Variants in KAT2B observed in about 807,000 individuals in gnomAD.
KAT2B encodes histone acetyltransferase KAT2B.
KAT2B carries 36 observed loss-of-function variants against 105.9 expected under a neutral mutation model. The ratio of observed to expected loss-of-function variants is 0.34; its 90% CI spans 0.26 to 0.45. The LOEUF is 0.45. Among genes scored for constraint, KAT2B ranks in the 20% least tolerant of loss-of-function variants. The pLI is 1.00. For synonymous variants in KAT2B, 397 were observed against 377.9 expected (o/e 1.05, Z -0.59); for missense variants, 820 against 1,021.6 (o/e 0.80, Z 2.69).
intron 2 of KAT2B, among the ~76,000 whole-genome samples, chr3:20,077,687 A>C (rs887946023): frequency 6.6e-6 from 1 of 152,194 alleles, no homozygotes; most frequent in Non-Finnish European, 1.5e-5. Context: ...TAAAAATCAC[A>C]TTGTATTTCT....
intron 1 of KAT2B, among the ~76,000 whole-genome samples, chr3:20,066,347 A>G (rs919346981): frequency 1.3e-5 from 2 of 152,120 alleles, no homozygotes; most frequent in Admixed American, 6.5e-5. Context: ...CACATCTGCA[A>G]TGAACCTATT....
intron 1 of KAT2B, among the ~76,000 whole-genome samples, chr3:20,059,431 A>T (rs1489079890): frequency 6.6e-6 from 1 of 150,484 alleles, no homozygotes; most frequent in Non-Finnish European, 1.5e-5. Flanking sequence ...AAAAAAAAAA[A>T]AAAAGGCCAG....
intron 9 of KAT2B, among the ~76,000 whole-genome samples, chr3:20,124,379 G>A (rs1329193378): frequency 6.6e-6 from 1 of 152,170 alleles, no homozygotes; most frequent in East Asian, 1.9e-4. Flanking sequence ...TACTCATGGT[G>A]CAGGGTGAAG....
At chr3:20,092,602 G>A (rs1194673164) in intron 2 of KAT2B, among the ~76,000 whole-genome samples, 1 of 151,766 alleles carries the variant, frequency 6.6e-6, no homozygotes, top group African/African-American at 2.4e-5. Context: ...ATTAGGTGCT[G>A]TAACATTAGG....
At chr3:20,119,746 G>C (rs748878422) in intron 8 of KAT2B, 23 bp downstream of exon 8, 1 of 1,613,270 alleles carries the variant, frequency 6.2e-7, no homozygotes, top group Non-Finnish European at 8.5e-7. Context: ...GAGGGGATAA[G>C]AGAGGGCTGT....
At chr3:20,087,598 T>C (rs1698643537) in intron 2 of KAT2B, among the ~76,000 whole-genome samples, 1 of 152,166 alleles carries the variant, frequency 6.6e-6, no homozygotes, top group African/African-American at 2.4e-5. Flanking sequence ...TGCCACACAA[T>C]TGATCTCCAG....
At chr3:20,135,716 T>A (rs1362811845) in intron 11 of KAT2B, among the ~76,000 whole-genome samples, 1 of 151,904 alleles carries the variant, frequency 6.6e-6, no homozygotes, top group East Asian at 1.9e-4. Flanking sequence ...TCATGCCATA[T>A]GAGGAATGAC....
intron 1 of KAT2B, among the ~76,000 whole-genome samples, chr3:20,050,140 C>T (rs560658711): frequency 6.2e-4 from 93 of 149,932 alleles, no homozygotes; most frequent in African/African-American, 2.3e-3. Context: ...GCAGAGATTG[C>T]AGTGAGCTGA....
intron 1 of KAT2B, among the ~76,000 whole-genome samples, chr3:20,050,418 T>C (rs1441205071): frequency 6.6e-6 from 1 of 152,156 alleles, no homozygotes. Context: ...TTTCAGCATC[T>C]CAGAGGGTTC....
intron 2 of KAT2B, among the ~76,000 whole-genome samples, chr3:20,085,146 T>C (rs1698589972): frequency 6.6e-6 from 1 of 152,194 alleles, no homozygotes; most frequent in African/African-American, 2.4e-5. Context: ...GCCCAGGTGT[T>C]TGAGACTAGC....
chr3:20,099,254 A>G lies in KAT2B; in HGVS notation c.577-608A>G, dbSNP rs183705024. On this transcript the variant is annotated intron_variant, in intron 3 of 17. Transcript: ENST00000263754. ...CCTGCATTCTACGGATGGAAGGGAA[A>G]TGAAAAAAAGACTGTAACAGTGAAA... is the stretch of plus-strand genomic sequence containing the variant. Among the ~76,000 whole-genome samples the G allele has an allele frequency of 1.1e-4, 16 of 152,288 alleles. 1 individual carries two copies. In the East Asian group the frequency reaches 2.7e-3, roughly 26 times the overall value.
chr3:20,072,851 T>A (rs1444955930), intron 2 of KAT2B, among the ~76,000 whole-genome samples: 1 of 152,214 alleles, frequency 6.6e-6, no homozygotes, highest in African/African-American at 2.4e-5. Flanking sequence ...TGATCATTTT[T>A]ATTATTTCTG....
At chr3:20,072,070 T>C (rs1444462179) in intron 1 of KAT2B, among the ~76,000 whole-genome samples, 1 of 152,106 alleles carries the variant, frequency 6.6e-6, no homozygotes, top group Non-Finnish European at 1.5e-5. Flanking sequence ...CTGGGGGCAA[T>C]GGTAGCAAAG....
intron 1 of KAT2B, among the ~76,000 whole-genome samples, chr3:20,049,956 T>C (rs924790475): frequency 6.6e-6 from 1 of 152,098 alleles, no homozygotes; most frequent in Non-Finnish European, 1.5e-5. Context: ...TCCCAGCATT[T>C]TGGGAGGCTG....
chr3:20,149,450 T>C (rs1257153576), intron 17 of KAT2B, among the ~76,000 whole-genome samples: 1 of 135,704 alleles, frequency 7.4e-6, no homozygotes, highest in East Asian at 2.6e-4. Flanking sequence ...GAGCTGTGAT[T>C]GCACCACTGC....
At position 20,154,252 on chromosome 3, in the gene KAT2B, T is replaced by G. The variant is rs970055967; in HGVS notation, c.*1727T>G. On this transcript the variant is annotated 3_prime_UTR_variant, in exon 18 of 18. Coordinates refer to ENST00000263754, the MANE Select transcript of KAT2B (RefSeq NM_003884.5). ...TTTTTATGTTTTCTAATTTAAAAATTAATATTTTCTTATAGATATTGTGCA... is the reference window on the plus strand; with the variant it reads ...TTTTTATGTTTTCTAATTTAAAAATGAATATTTTCTTATAGATATTGTGCA... 4.6e-5 allele frequency: 7 copies of G among 152,652 alleles called. No individual in the cohort carries two copies. Among genetic ancestry groups the G allele is most frequent in the African/African-American group, 1.7e-4 (7 of 41,456 alleles). 9.5% of individuals were successfully genotyped at this position (152,652 alleles called of 1,614,324 possible). A position where few individuals can be genotyped will look rare whatever the true frequency, so the allele number is the denominator to read the frequency against.
rs994175699 is a variant in KAT2B at position 20,100,433 on chromosome 3, A to G, written c.669+479A>G. 1.7e-4 allele frequency among the ~76,000 whole-genome samples: 26 copies of G among 152,204 alleles called. 1 individual carries two copies. The highest frequency in any genetic ancestry group is 6.3e-4 in the African/African-American group (26 of 41,462). On this transcript the variant is annotated intron_variant, in intron 4 of 17. Transcript: ENST00000263754. ...TCCTGCTACATTATGATTCCTGGAA[A>G]GAAGCCGTTTTACTCAGGGAATCTG...
chr3:20,140,299 G>A lies in KAT2B; in HGVS notation c.1939G>A (p.Gly647Arg). The A allele has an allele frequency of 6.2e-7, 1 of 1,612,622 alleles. No individual in the cohort carries two copies. Among genetic ancestry groups the A allele is most frequent in the South Asian group, 1.1e-5 (1 of 91,036 alleles). Residue 647 changes from glycine (G) to arginine (R), a missense_variant, in exon 13 of 18, where the codon GGA becomes AGA. Coordinates refer to ENST00000263754, the MANE Select transcript of KAT2B (RefSeq NM_003884.5). ...GGATTATGAAGGAGCCACTTTAATG[G>A]GATGTGAGCTAAATCCACGGATCCC... ...IKDYEGATLM[G>R]CELNPRIPYT...
chr3:20,052,748 A>T (rs1034840045), intron 1 of KAT2B, among the ~76,000 whole-genome samples: 2 of 152,032 alleles, frequency 1.3e-5, no homozygotes, highest in African/African-American at 4.8e-5. Context: ...TGGTCACATC[A>T]CCTGAGGTCG....
Sources: gnomAD v4.1 joint callset for allele counts (sites outside exome capture counted in the v4.1 genomes callset) on GRCh38, gnomAD v4.1.1 for gene constraint, MANE v1.5 for transcripts, NCBI Gene and HGNC (gene_info 2026-07-23, HGNC 2026-07-21) for gene names.